The following SYNE2 variants were observed in gnomAD, a reference collection of about 807,000 sequenced individuals.
SYNE2 encodes the protein nesprin-2.
In SYNE2, 431 loss-of-function variants were observed where a neutral mutation model predicts 856.3. The observed-to-expected ratio is 0.50, with a 90% CI of 0.47 to 0.55. The LOEUF (loss-of-function observed/expected upper bound fraction) is 0.55. Ranked by LOEUF, SYNE2 falls within the 20% of genes least tolerant of loss-of-function variation. The pLI is 0.00. For synonymous variants in SYNE2, 2,923 were observed against 2,872.3 expected (o/e 1.02, Z -0.56); for missense variants, 8,129 against 8,023.2 (o/e 1.01, Z -0.50).
At position 63,908,819 on chromosome 14, in the gene SYNE2, C is replaced by T. The variant is rs182330830; in HGVS notation, c.-51-279C>T. On this transcript the variant is annotated intron_variant, in intron 1 of 115. Transcript: ENST00000555002. ...CAAGTTATTACATCGAATTGCCTGG[C>T]CTTCCTTTTCACCACTGGTATAGAA... Among the ~76,000 whole-genome samples, 176 of 152,268 alleles carry T rather than the reference C, an allele frequency of 1.2e-3. 2 individuals carry two copies. Among genetic ancestry groups the T allele is most frequent in the Non-Finnish European group, 1.7e-3 (118 of 68,022 alleles).
chr14:64,007,946 G>T (rs1287321965), intron 31 of SYNE2, among the ~76,000 whole-genome samples: 3 of 152,118 alleles, frequency 2.0e-5, no homozygotes, highest in Non-Finnish European at 4.4e-5. Context: ...GGAGGTTGAG[G>T]TTTCAGTGAA....
rs1896125980 is a variant in SYNE2, at chr14:63,868,803, AG to A, written c.-52+15661del. ...CTTAAAAGGCATTCAAAGTCTGATC[AG>A]ACTTAATTTTTATCTGCATCCATGA... On this transcript the variant is annotated intron_variant, in intron 1 of 115. Coordinates refer to ENST00000555002, the MANE Select transcript of SYNE2 (RefSeq NM_182914.3). Among the ~76,000 whole-genome samples the A allele has an allele frequency of 5.3e-5, 8 of 152,300 alleles. No individual in the cohort carries two copies. In the South Asian group the frequency reaches 1.7e-3, roughly 32 times the overall value.
rs72718348 is a variant in SYNE2, at chr14:63,947,446, C to T, written c.409-2379C>T. 1.5e-3 allele frequency among the ~76,000 whole-genome samples: 224 copies of T among 152,202 alleles called. 1 individual carries two copies. Among genetic ancestry groups the T allele is most frequent in the Non-Finnish European group, 2.0e-3 (135 of 68,022 alleles). On this transcript the variant is annotated intron_variant, in intron 6 of 115. Transcript: ENST00000555002. ...TTTTAAATTTTATATTTAGATCTAC[C>T]GTCTTTCAAGAATGAATCAATTTTG... is the stretch of plus-strand genomic sequence containing the variant.
chr14:63,897,766 C>A (rs2095276583), intron 1 of SYNE2, among the ~76,000 whole-genome samples: 1 of 152,148 alleles, frequency 6.6e-6, no homozygotes, highest in African/African-American at 2.4e-5. Flanking sequence ...GTTTATTCCT[C>A]AAGGACCCCA....
At chr14:64,167,916 AT>A (rs2098389831) in intron 92 of SYNE2, among the ~76,000 whole-genome samples, 1 of 152,246 alleles carries the variant, frequency 6.6e-6, no homozygotes, top group Non-Finnish European at 1.5e-5. Context: ...AAATGCAAAC[AT>A]TATACCATTC....
Position 64,209,431 on chromosome 14 carries a change from C to A in SYNE2, c.18393C>A (p.Ile6131=). Residue 6131 remains isoleucine (I), a synonymous_variant, in exon 102 of 116, where the codon ATC becomes ATA. Transcript: ENST00000555002. ...TAAGTTGCTTTGCTCCCATCAGAATCGAGGAGACGTGGCGCCTGTGGCAGA... is the reference window on the plus strand; with the variant it reads ...TAAGTTGCTTTGCTCCCATCAGAATAGAGGAGACGTGGCGCCTGTGGCAGA... ...CAMSMERRMK[I]EETWRLWQKF... is the part of the protein sequence containing the mutation. The A allele has an allele frequency of 6.2e-7, 1 of 1,614,224 alleles. No homozygotes were observed. Among genetic ancestry groups the A allele is most frequent in the Non-Finnish European group, 8.5e-7 (1 of 1,180,050 alleles).
intron 99 of SYNE2, among the ~76,000 whole-genome samples, chr14:64,192,462 GCTCA>G (rs2098522964): frequency 1.3e-5 from 2 of 151,996 alleles, no homozygotes; most frequent in Non-Finnish European, 2.9e-5. Context: ...TGCTTTCCTC[GCTCA>G]CTCTTTGCCT....
chr14:63,820,106 G>A (rs1889157432), intron 1 of SYNE2, among the ~76,000 whole-genome samples: 1 of 151,982 alleles, frequency 6.6e-6, no homozygotes, highest in Non-Finnish European at 1.5e-5. Context: ...ATATGGAAAT[G>A]CAAATAACCT....
At chr14:63,840,355 G>T (rs998623436) in intron 1 of SYNE2, among the ~76,000 whole-genome samples, 1 of 151,928 alleles carries the variant, frequency 6.6e-6, no homozygotes, top group African/African-American at 2.4e-5. Flanking sequence ...GCTTTATAGG[G>T]TCATTCAGGG....
chr14:63,821,552 G>A (rs936831784), intron 1 of SYNE2, among the ~76,000 whole-genome samples: 10 of 150,536 alleles, frequency 6.6e-5, no homozygotes, highest in African/African-American at 1.5e-4. Context: ...TTAGGAGTTC[G>A]AGACCAGCCT....
intron 32 of SYNE2, among the ~76,000 whole-genome samples, chr14:64,013,519 C>T (rs150012018): frequency 6.6e-6 from 1 of 152,226 alleles, no homozygotes; most frequent in East Asian, 1.9e-4. Context: ...CCTATTATTC[C>T]ACTCCATGCG....
Position 64,122,403 on chromosome 14 carries a change from A to C in SYNE2, c.13398A>C (p.Pro4466=). 1 of 1,613,834 alleles carries C rather than the reference A, an allele frequency of 6.2e-7. No individual in the cohort carries two copies. The highest frequency in any genetic ancestry group is 8.5e-7 in the Non-Finnish European group (1 of 1,179,978). The stretch of plus-strand genomic sequence containing the variant: ...AACTCTCATCAAAAATAAAGCTCCC[A>C]CTCCCTCAGCTTGTGGAGCCTCAGG... The part of the protein sequence containing the change: ...HHELSSKIKL[P]LPQLVEPQVS... Residue 4466 remains proline (P), a synonymous_variant, in exon 70 of 116, where the codon CCA becomes CCC. Transcript: ENST00000555002.
At chr14:64,037,792 G>A (rs1414457422) in intron 45 of SYNE2, among the ~76,000 whole-genome samples, 1 of 142,436 alleles carries the variant, frequency 7.0e-6, no homozygotes. Flanking sequence ...AGGGGCGGCC[G>A]GGCAGAGGCG....
At chr14:64,193,242 C>T (rs2098526127) in intron 99 of SYNE2, among the ~76,000 whole-genome samples, 1 of 152,224 alleles carries the variant, frequency 6.6e-6, no homozygotes. Context: ...GGGCAGGGAA[C>T]AGCAGCTCTT....
At chr14:64,013,291 C>T (rs917881613) in intron 32 of SYNE2, among the ~76,000 whole-genome samples, 1 of 149,946 alleles carries the variant, frequency 6.7e-6, no homozygotes, top group African/African-American at 2.4e-5. Context: ...ATTGAACAAA[C>T]ATTTTTGCTT....
chr14:64,061,326 T>C (rs2097315291), intron 49 of SYNE2, among the ~76,000 whole-genome samples: 1 of 152,216 alleles, frequency 6.6e-6, no homozygotes, highest in Non-Finnish European at 1.5e-5. Context: ...TTGCTCCCAG[T>C]TTTTGCATTC....
At position 64,119,602 on chromosome 14, in the gene SYNE2, A is replaced by G. The variant is rs1330325630; in HGVS notation, c.13016A>G (p.Glu4339Gly). The G allele has an allele frequency of 1.2e-6, 2 of 1,614,102 alleles. No individual in the cohort carries two copies. The highest frequency in any genetic ancestry group is 2.2e-5 in the South Asian group (2 of 91,072). Residue 4339 changes from glutamate (E) to glycine (G), a missense_variant, in exon 67 of 116, where the codon GAA (glutamate) becomes GGA (glycine). By Grantham distance (98) the Glu-to-Gly change is moderately conservative (BLOSUM62 -2). Coordinates refer to ENST00000555002, the MANE Select transcript of SYNE2 (RefSeq NM_182914.3). The stretch of plus-strand genomic sequence containing the variant: ...ATGATGCTTCAGGAGAAGCACAGTG[A>G]AGATCAGGTAAAAAATGACTATCTA... ...VQMMLQEKHS[E>G]DQHPTILKKS...
intron 45 of SYNE2, among the ~76,000 whole-genome samples, chr14:64,044,722 T>C (rs889756458): frequency 6.6e-6 from 1 of 152,188 alleles, no homozygotes; most frequent in Non-Finnish European, 1.5e-5. Flanking sequence ...TGAGATCTGA[T>C]TGTTTTAAGA....
chr14:63,996,517 A>G (rs2096715141), intron 23 of SYNE2, among the ~76,000 whole-genome samples: 1 of 151,208 alleles, frequency 6.6e-6, no homozygotes, highest in Non-Finnish European at 1.5e-5. Flanking sequence ...GCCCCACTGG[A>G]GTTCTGGTCC....
Sources: gnomAD v4.1 joint callset for allele counts (sites outside exome capture counted in the v4.1 genomes callset) on GRCh38, gnomAD v4.1.1 for gene constraint, MANE v1.5 for transcripts, NCBI Gene and HGNC (gene_info 2026-07-23, HGNC 2026-07-21) for gene names.